The following STXBP5L variants were observed in gnomAD, a reference collection of about 807,000 sequenced individuals.
The protein encoded by STXBP5L is syntaxin-binding protein 5-like.
In STXBP5L, 65 loss-of-function variants were observed where a neutral mutation model predicts 144.5. The observed-to-expected ratio is 0.45, with a 90% CI of 0.37 to 0.55. The LOEUF (loss-of-function observed/expected upper bound fraction) is 0.55, where lower values mean the gene tolerates loss of function less well. Among genes scored for constraint, STXBP5L ranks in the 20% least tolerant of loss-of-function variants. The pLI, the probability that STXBP5L is intolerant of heterozygous loss-of-function variation, is 0.00. For synonymous variants in STXBP5L, 505 were observed against 469.6 expected (o/e 1.08, Z -0.97); for missense variants, 1,298 against 1,405.5 (o/e 0.92, Z 1.22).
chr3:121,170,851 G>T (rs577106964), intron 9 of STXBP5L, among the ~76,000 whole-genome samples: 1 of 152,028 alleles, frequency 6.6e-6, no homozygotes, highest in Non-Finnish European at 1.5e-5. Flanking sequence ...TGAGGCCAGC[G>T]TCATCCTGAT....
chr3:121,202,251 T>C (rs1039000046), intron 9 of STXBP5L, among the ~76,000 whole-genome samples: 1 of 152,202 alleles, frequency 6.6e-6, no homozygotes, highest in Non-Finnish European at 1.5e-5. Context: ...GCTTATCATT[T>C]TTGGTTTTCT....
chr3:121,100,349 C>T (rs2043353145), intron 5 of STXBP5L, among the ~76,000 whole-genome samples: 1 of 152,076 alleles, frequency 6.6e-6, no homozygotes, highest in South Asian at 2.1e-4. Flanking sequence ...CATCCTGGTC[C>T]ATAAAACAAG....
chr3:121,292,103 A>T (rs962784352), intron 19 of STXBP5L, among the ~76,000 whole-genome samples: 1 of 152,176 alleles, frequency 6.6e-6, no homozygotes, highest in African/African-American at 2.4e-5. Context: ...AATAATCAGT[A>T]AACAGACAAC....
rs373609467 is a variant in STXBP5L at position 121,157,446 on chromosome 3, AT to A, written c.754-57del. 4.6e-4 allele frequency: 682 copies of A among 1,467,912 alleles called. 2 individuals are homozygous for A. The African/African-American group carries it at 8.8e-3, about 19-fold the overall frequency. The allele number at this position is 1,467,912 out of a possible 1,614,324, so 90.9% of individuals were successfully genotyped here. ...GAATAGTTTTTCTTTGGAATATAGAATGATATAACCTATCTACTTTTTTCCC... is the reference window on the plus strand; with the variant it reads ...GAATAGTTTTTCTTTGGAATATAGAAGATATAACCTATCTACTTTTTTCCC... On this transcript the variant is annotated intron_variant, in intron 8 of 26. Coordinates refer to ENST00000471454, the MANE Select transcript of STXBP5L (RefSeq NM_001308330.2).
intron 5 of STXBP5L, among the ~76,000 whole-genome samples, chr3:121,080,914 C>A (rs1219402336): frequency 6.6e-6 from 1 of 152,182 alleles, no homozygotes; most frequent in African/African-American, 2.4e-5. Context: ...AGATCCCTAT[C>A]AAGGCCAGCA....
intron 5 of STXBP5L, among the ~76,000 whole-genome samples, chr3:121,100,796 CAA>C (rs536326221): frequency 7.6e-6 from 1 of 131,136 alleles, no homozygotes; most frequent in Admixed American, 7.7e-5. Context: ...AATATATCGA[CAA>C]AAAAAAAAAG....
chr3:121,193,214 T>C (rs887275508), intron 9 of STXBP5L, among the ~76,000 whole-genome samples: 1 of 142,842 alleles, frequency 7.0e-6, no homozygotes, highest in Non-Finnish European at 1.5e-5. Context: ...AACAGACACA[T>C]GAAAAAATGC....
At chr3:121,027,746 A>G (rs1353503666) in intron 3 of STXBP5L, among the ~76,000 whole-genome samples, 1 of 152,050 alleles carries the variant, frequency 6.6e-6, no homozygotes, top group Non-Finnish European at 1.5e-5. Flanking sequence ...AGTGACCTTC[A>G]TTCCATCTGC....
At chr3:121,054,106 G>A (rs538059217) in intron 5 of STXBP5L, among the ~76,000 whole-genome samples, 2 of 152,304 alleles carry the variant, frequency 1.3e-5, no homozygotes, top group East Asian at 3.9e-4. Context: ...TGCTGGAGAG[G>A]ATGTGGAGAA....
chr3:121,354,043 G>A (rs1006436066), intron 20 of STXBP5L, among the ~76,000 whole-genome samples: 1 of 152,210 alleles, frequency 6.6e-6, no homozygotes, highest in African/African-American at 2.4e-5. Context: ...TGTGGTCTGA[G>A]AGACAGTTTG....
At chr3:120,971,435 C>T (rs1940238802) in intron 3 of STXBP5L, among the ~76,000 whole-genome samples, 1 of 151,826 alleles carries the variant, frequency 6.6e-6, no homozygotes, top group Non-Finnish European at 1.5e-5. Context: ...TTATTCAACT[C>T]TGTGTGTCTA....
At chr3:121,009,668 A>C (rs1371763587) in intron 3 of STXBP5L, among the ~76,000 whole-genome samples, 2 of 151,972 alleles carry the variant, frequency 1.3e-5, no homozygotes, top group Admixed American at 1.3e-4. Context: ...CAATTAGAGA[A>C]AGGTGAAATG....
At chr3:121,319,753 A>G (rs999413424) in intron 20 of STXBP5L, among the ~76,000 whole-genome samples, 2 of 152,144 alleles carry the variant, frequency 1.3e-5, no homozygotes, top group South Asian at 2.1e-4. Flanking sequence ...ATATTTTCCC[A>G]TGCTTATAAA....
At chr3:120,934,035 C>T (rs533982292) in intron 2 of STXBP5L, among the ~76,000 whole-genome samples, 1 of 150,642 alleles carries the variant, frequency 6.6e-6, no homozygotes, top group Admixed American at 6.6e-5. Flanking sequence ...TTTTGCCCTT[C>T]GTATTCTCTC....
intron 11 of STXBP5L, among the ~76,000 whole-genome samples, chr3:121,230,410 A>G (rs527394063): frequency 5.4e-4 from 82 of 151,556 alleles, no homozygotes; most frequent in Middle Eastern, 3.4e-3. Flanking sequence ...ATTTGGTACC[A>G]TAGACAAATA....
At chr3:121,243,706 G>T (rs2108344552) in intron 14 of STXBP5L, among the ~76,000 whole-genome samples, 1 of 151,994 alleles carries the variant, frequency 6.6e-6, no homozygotes, top group Non-Finnish European at 1.5e-5. Flanking sequence ...TATTGACTTT[G>T]GAAATAAAAG....
chr3:121,291,573 C>G (rs1272463187), intron 19 of STXBP5L, among the ~76,000 whole-genome samples: 1 of 151,880 alleles, frequency 6.6e-6, no homozygotes, highest in African/African-American at 2.4e-5. Flanking sequence ...TTCATTCACA[C>G]AGTACCAAAA....
chr3:121,062,328 C>T (rs917446935), intron 5 of STXBP5L, among the ~76,000 whole-genome samples: 1 of 152,152 alleles, frequency 6.6e-6, no homozygotes, highest in African/African-American at 2.4e-5. Context: ...CCCCCACTTT[C>T]TTCTGGCTGG....
chr3:121,395,465 CT>C (rs1179931169), intron 22 of STXBP5L, among the ~76,000 whole-genome samples: 9 of 152,128 alleles, frequency 5.9e-5, no homozygotes, highest in Non-Finnish European at 1.2e-4. Context: ...TCTGCTAAAC[CT>C]TTAGTCATTA....
Sources: gnomAD v4.1 joint callset for allele counts (sites outside exome capture counted in the v4.1 genomes callset) on GRCh38, gnomAD v4.1.1 for gene constraint, MANE v1.5 for transcripts, NCBI Gene and HGNC (gene_info 2026-07-23, HGNC 2026-07-21) for gene names.